PABPN1L: variants seen among roughly 807,000 people sequenced by gnomAD.
The protein encoded by PABPN1L is embryonic polyadenylate-binding protein 2.
Under a neutral mutation model 34.0 loss-of-function variants are expected in PABPN1L, and 45 were observed. The ratio of observed to expected loss-of-function variants is 1.32; its 90% CI spans 1.04 to 1.70. The LOEUF (loss-of-function observed/expected upper bound fraction) is 1.70. Ranked by LOEUF, PABPN1L falls within the 40% of genes most tolerant of loss-of-function variation. PABPN1L has a pLI of 0.00. For synonymous variants in PABPN1L, 182 were observed against 152.1 expected, an observed-to-expected ratio of 1.20 and a Z score of -1.45; for missense variants, 459 against 367.8, an observed-to-expected ratio of 1.25 and a Z score of -2.03.
At position 88,864,953 on chromosome 16, in the gene PABPN1L, G is replaced by T; in HGVS notation, c.567-13C>A. On this transcript the variant is annotated splice_polypyrimidine_tract_variant and intron_variant, in intron 4 of 6. Transcript: ENST00000419291. ...TATGTAGGCATAACTGAGGGGAGGG[G>T]CAGGGAGGGGAGGGGTGAGGCTGGG... 1.3e-6 allele frequency: 2 copies of T among 1,574,462 alleles called. No homozygotes were observed. The highest frequency in any genetic ancestry group is 1.7e-6 in the Non-Finnish European group (2 of 1,161,672).
At chr16:88,869,516 C>T (rs1431256621), upstream of PABPN1L, among the ~76,000 whole-genome samples, 1 of 152,248 alleles carries the variant, frequency 6.6e-6, no homozygotes, top group Admixed American at 6.5e-5. Flanking sequence ...GAAACCAAAG[C>T]TCCTCAGGGG....
intron 2 of PABPN1L, 49 bp downstream of exon 2, chr16:88,865,757 C>T (rs1021478295): frequency 1.9e-6 from 3 of 1,572,024 alleles, no homozygotes; most frequent in Non-Finnish European, 2.6e-6. Context: ...TTAATGGAAA[C>T]TGTGGGACCC....
exon 4 of PABPN1L, chr16:88,865,048 A>G: frequency 6.2e-7 from 1 of 1,600,450 alleles, no homozygotes; most frequent in Non-Finnish European, 8.5e-7. Context: ...AGAACTTGTC[A>G]CACAGGATCG....
At chr16:88,868,961 C>T (rs976708625), upstream of PABPN1L, among the ~76,000 whole-genome samples, 1 of 152,210 alleles carries the variant, frequency 6.6e-6, no homozygotes, top group East Asian at 1.9e-4. Context: ...CTAGATCACA[C>T]TATCTGGGTG....
upstream of PABPN1L, among the ~76,000 whole-genome samples, chr16:88,869,662 T>C (rs1968662111): frequency 6.6e-6 from 1 of 152,230 alleles, no homozygotes; most frequent in Non-Finnish European, 1.5e-5. Context: ...CACCCGTGCC[T>C]CCACCTCCCT....
At chr16:88,864,700 G>A (rs998976503) in intron 5 of PABPN1L, among the ~76,000 whole-genome samples, 153 bp downstream of exon 5, 20 of 152,244 alleles carry the variant, frequency 1.3e-4, no homozygotes, top group African/African-American at 3.9e-4. Context: ...CTTCAGGTCC[G>A]AGGGTCCCGC....
chr16:88,868,155 G>C (rs372095838), upstream of PABPN1L, among the ~76,000 whole-genome samples: 3 of 152,214 alleles, frequency 2.0e-5, no homozygotes, highest in African/African-American at 2.4e-5. Flanking sequence ...CCAGGCTCCT[G>C]CACCCAGTCT....
At position 88,865,145 on chromosome 16, in the gene PABPN1L, A is replaced by C; in HGVS notation, c.460-17T>G. The stretch of plus-strand genomic sequence containing the variant: ...GTAGTCCACCTGCACCCAGGCCCAG[A>C]CCAGCATGTGAGGGAGACGCCTGGC... On this transcript the variant is annotated splice_polypyrimidine_tract_variant and intron_variant, in intron 3 of 6. Coordinates refer to ENST00000419291, the Ensembl canonical transcript of PABPN1L. 1 of 1,557,754 alleles carries C rather than the reference A, an allele frequency of 6.4e-7. No individual in the cohort carries two copies.
rs932200189 is a variant in PABPN1L at position 88,863,900 on chromosome 16, C to G, written c.798-105G>C. 4 of 1,208,638 alleles carry G rather than the reference C, an allele frequency of 3.3e-6. No homozygotes were observed. In the African/African-American group the frequency reaches 6.1e-5, roughly 18 times the overall value. The allele number at this position is 1,208,638 out of a possible 1,614,324, so 74.9% of individuals were successfully genotyped here. A position where few individuals can be genotyped will look rare whatever the true frequency, so the allele number is the denominator to read the frequency against. On this transcript the variant is annotated intron_variant, in intron 6 of 6. Transcript: ENST00000419291. The stretch of plus-strand genomic sequence containing the variant: ...ATAAGGATGCAGGGAGGTCACCTGG[C>G]TGCTCAGGCAATGCCCCAGGGGCCT...
At chr16:88,866,273 G>A (rs1009740517) in intron 1 of PABPN1L, 79 bp downstream of exon 1, 7 of 1,483,738 alleles carry the variant, frequency 4.7e-6, no homozygotes, top group Non-Finnish European at 6.3e-6. Context: ...GCAGCCATCC[G>A]TCACCCAGAC....
chr16:88,867,102 G>A (rs117424059), upstream of PABPN1L, among the ~76,000 whole-genome samples: 2,905 of 152,332 alleles, frequency 0.019, 44 homozygotes, highest in Non-Finnish European at 0.026. Flanking sequence ...GGATGAGAGG[G>A]CCGAGGCAGG....
At chr16:88,866,807 A>G, upstream of PABPN1L, 1 of 692,042 alleles carries the variant, frequency 1.4e-6, no homozygotes, top group Non-Finnish European at 2.3e-6. Context: ...TCGGACAGGT[A>G]CCTCCAGGAC....
At position 88,865,497 on chromosome 16, in the gene PABPN1L, G is replaced by A. The variant is rs1004210947; in HGVS notation, c.459+66C>T. ...AAGGCTGCCTGGCCCATGGCCGGGC[G>A]CCAGACCCTCTGGTAGAGATGGGGC... On this transcript the variant is annotated intron_variant, in intron 3 of 6. Transcript: ENST00000419291. 6.4e-6 allele frequency: 10 copies of A among 1,559,202 alleles called. No individual in the cohort carries two copies. In the African/African-American group the frequency reaches 6.8e-5, roughly 11 times the overall value.
At chr16:88,864,781 G>A (rs1968546940) in intron 5 of PABPN1L, 72 bp downstream of exon 5, 1 of 1,447,308 alleles carries the variant, frequency 6.9e-7, no homozygotes, top group Non-Finnish European at 9.5e-7. Flanking sequence ...AGCTGGGGCT[G>A]CTGTGTGTCC....
chr16:88,868,500 G>A (rs1027557176), upstream of PABPN1L, among the ~76,000 whole-genome samples: 1 of 152,166 alleles, frequency 6.6e-6, no homozygotes, highest in African/African-American at 2.4e-5. Flanking sequence ...CAGATACTTG[G>A]GAGGCTGAGG....
At chr16:88,866,291 C>A in intron 1 of PABPN1L, 61 bp downstream of exon 1, 8 of 1,509,518 alleles carry the variant, frequency 5.3e-6, no homozygotes, top group South Asian at 1.3e-5. Flanking sequence ...GACCCCGTGT[C>A]TCCACCAGCC....
chr16:88,865,997 G>A, intron 1 of PABPN1L, 56 bp from the exon 2 acceptor site: 1 of 1,519,936 alleles, frequency 6.6e-7, no homozygotes, highest in Non-Finnish European at 8.8e-7. Context: ...GCTCAAGGAA[G>A]GTGGGTGTGT....
At chr16:88,869,200 G>A (rs141859186), upstream of PABPN1L, among the ~76,000 whole-genome samples, 1 of 152,338 alleles carries the variant, frequency 6.6e-6, no homozygotes, top group East Asian at 1.9e-4. Flanking sequence ...GAGGCTGACT[G>A]AAGACCATGC....
chr16:88,865,446 C>T (rs1968568115), intron 3 of PABPN1L, 117 bp downstream of exon 3: 1 of 1,309,480 alleles, frequency 7.6e-7, no homozygotes. Context: ...ACGGGGCTGC[C>T]CCCAGGGTCA....
Sources: gnomAD v4.1 joint callset for allele counts (sites outside exome capture counted in the v4.1 genomes callset) on GRCh38, gnomAD v4.1.1 for gene constraint, MANE v1.5 for transcripts, NCBI Gene and HGNC (gene_info 2026-07-23, HGNC 2026-07-21) for gene names.